Variants in COL8A1 observed in about 807,000 individuals in gnomAD.
The protein encoded by COL8A1 is collagen alpha-1(VIII) chain.
A neutral mutation model predicts 42.7 loss-of-function variants in COL8A1; 21 were observed. The observed-to-expected ratio is 0.49, with a 90% confidence interval of 0.35 to 0.71. The LOEUF is 0.71. COL8A1 is among the 30% of genes least tolerant of loss of function. The probability of loss-of-function intolerance (pLI) is 0.01; values close to 1 mark genes in which losing one functional copy is unlikely to be tolerated. For missense variants in COL8A1, 788 were observed against 962.4 expected, an observed-to-expected ratio of 0.82 and a Z score of 2.40; for synonymous variants, 367 against 369.1, an observed-to-expected ratio of 0.99 and a Z score of 0.06.
chr3:99,732,079 A>T (rs918961802), intron 1 of COL8A1, among the ~76,000 whole-genome samples: 10 of 152,130 alleles, frequency 6.6e-5, no homozygotes, highest in African/African-American at 2.4e-4. Context: ...TTGATTTCGG[A>T]CTTCCAGACT....
intron 1 of COL8A1, among the ~76,000 whole-genome samples, chr3:99,710,006 T>A (rs185560638): frequency 6.6e-5 from 10 of 152,296 alleles, no homozygotes; most frequent in Admixed American, 3.3e-4. Flanking sequence ...TACTTGCTAT[T>A]TAAATAGCCA....
At chr3:99,717,160 T>C (rs1250864517) in intron 1 of COL8A1, among the ~76,000 whole-genome samples, 1 of 152,072 alleles carries the variant, frequency 6.6e-6, no homozygotes, top group Non-Finnish European at 1.5e-5. Context: ...TGTTTTGTGC[T>C]ATATATAGAA....
At chr3:99,737,178 C>G (rs1396512451) in intron 1 of COL8A1, among the ~76,000 whole-genome samples, 1 of 152,166 alleles carries the variant, frequency 6.6e-6, no homozygotes, top group Non-Finnish European at 1.5e-5. Context: ...CGACTTGACT[C>G]TTTATCCAGT....
In COL8A1 at chr3:99,796,123, T is replaced by C. The variant is rs1022143157; in HGVS notation, c.2222T>C (p.Leu741Ser). ...CACTCCTCCTTTTCAGGATATTTAT[T>C]GTATCCCATGTAAAAACAAAAAAAC... The part of the protein sequence containing the change: ...YVHSSFSGYL[L>S]YPM The change falls in exon 4 of 4, where the codon TTG (leucine) becomes TCG (serine). Residue 741 changes from leucine (L) to serine (S), a missense_variant. By Grantham distance (145) the Leu-to-Ser change is moderately radical. Around this residue, in one of 4 missense-constraint regions of COL8A1, gnomAD observed 212 missense variants for 210.9 expected, o/e 1.00. Transcript: ENST00000652472. 1.6e-5 allele frequency: 24 copies of C among 1,480,946 alleles called. No homozygotes were observed. The highest frequency in any genetic ancestry group is 2.1e-5 in the Non-Finnish European group (23 of 1,111,884). 91.7% of individuals were successfully genotyped at this position (1,480,946 alleles called of 1,614,324 possible). A position where few individuals can be genotyped will look rare whatever the true frequency, so the allele number is the denominator to read the frequency against.
In COL8A1 at chr3:99,745,012, A is replaced by G. The variant is rs1339882618; in HGVS notation, c.-13A>G. 6.6e-6 allele frequency: 1 copy of G among 152,182 alleles called. No individual in the cohort carries two copies. The highest frequency in any genetic ancestry group is 1.5e-5 in the Non-Finnish European group (1 of 68,078). 9.4% of individuals were successfully genotyped at this position (152,182 alleles called of 1,614,324 possible). A position where few individuals can be genotyped will look rare whatever the true frequency, so the allele number is the denominator to read the frequency against. ...TTTGATTTGATTCAGCAGTCCTGTC[A>G]AGTATAAATGTAAGTGTGAGGAGCA... is the stretch of plus-strand genomic sequence containing the variant. On this transcript the variant is annotated 5_prime_UTR_variant, in exon 2 of 4. Transcript: ENST00000652472.
intron 1 of COL8A1, among the ~76,000 whole-genome samples, chr3:99,696,953 A>T (rs931655225): frequency 8.7e-5 from 13 of 148,948 alleles, no homozygotes; most frequent in Non-Finnish European, 1.9e-4. Context: ...ATTTGCTATA[A>T]TCCCCACCGG....
At chr3:99,766,196 C>T (rs1471516494) in intron 2 of COL8A1, among the ~76,000 whole-genome samples, 2 of 152,162 alleles carry the variant, frequency 1.3e-5, no homozygotes, top group African/African-American at 2.4e-5. Context: ...TTACCAAATA[C>T]GATCCCCATA....
intron 1 of COL8A1, among the ~76,000 whole-genome samples, chr3:99,726,102 C>T (rs1940316210): frequency 6.6e-6 from 1 of 152,084 alleles, no homozygotes; most frequent in Non-Finnish European, 1.5e-5. Context: ...TTAATGATTG[C>T]CATTCTAACT....
At chr3:99,655,920 C>A (rs1938004163) in intron 1 of COL8A1, among the ~76,000 whole-genome samples, 1 of 151,926 alleles carries the variant, frequency 6.6e-6, no homozygotes, top group African/African-American at 2.4e-5. Context: ...AGTATGGAGG[C>A]CTAACAAGAA....
chr3:99,727,801 A>C (rs909196473), intron 1 of COL8A1, among the ~76,000 whole-genome samples: 6 of 151,798 alleles, frequency 4.0e-5, no homozygotes, highest in African/African-American at 1.5e-4. Context: ...CCATGATCAA[A>C]TGGGCTTCAT....
At chr3:99,728,814 C>G (rs1400764633) in intron 1 of COL8A1, among the ~76,000 whole-genome samples, 5 of 151,928 alleles carry the variant, frequency 3.3e-5, no homozygotes, top group Non-Finnish European at 5.9e-5. Flanking sequence ...ACTTACTTCA[C>G]TCTTTTTGGT....
chr3:99,686,878 G>A lies in COL8A1; in HGVS notation c.-129+48214G>A, dbSNP rs1361007558. On this transcript the variant is annotated intron_variant, in intron 1 of 3. Coordinates refer to ENST00000652472, the MANE Select transcript of COL8A1 (RefSeq NM_020351.4). Reference sequence around the variant, plus strand: ...TTTGTTTTTGGGGGGGGTTCTGTTTGTTTGTTTTTGAGACAGAGTCTCACT... The same window carrying A: ...TTTGTTTTTGGGGGGGGTTCTGTTTATTTGTTTTTGAGACAGAGTCTCACT... 2.0e-5 allele frequency among the ~76,000 whole-genome samples: 3 copies of A among 152,134 alleles called. No homozygotes were observed. In the East Asian group the frequency reaches 5.8e-4, roughly 29 times the overall value.
chr3:99,785,076 C>CT (rs1394021430), intron 2 of COL8A1, among the ~76,000 whole-genome samples: 1 of 152,186 alleles, frequency 6.6e-6, no homozygotes, highest in African/African-American at 2.4e-5. Flanking sequence ...TAATAGTAAA[C>CT]TGCATGTGCA....
At chr3:99,721,836 G>C (rs976398676) in intron 1 of COL8A1, among the ~76,000 whole-genome samples, 2 of 151,998 alleles carry the variant, frequency 1.3e-5, no homozygotes, top group Middle Eastern at 3.5e-3. Flanking sequence ...GGACGGAAGA[G>C]TCTATCTGCC....
intron 1 of COL8A1, among the ~76,000 whole-genome samples, chr3:99,686,228 T>G (rs1475693702): frequency 1.3e-5 from 2 of 152,234 alleles, no homozygotes; most frequent in Non-Finnish European, 2.9e-5. Context: ...ACCAAAGACC[T>G]GCAGACATCT....
At chr3:99,793,460 GAT>G (rs1283617939) in intron 3 of COL8A1, among the ~76,000 whole-genome samples, 8 of 148,868 alleles carry the variant, frequency 5.4e-5, no homozygotes, top group Admixed American at 2.0e-4. Flanking sequence ...CACACACACA[GAT>G]AGAACAAATG....
chr3:99,711,977 C>T (rs1317356600), intron 1 of COL8A1, among the ~76,000 whole-genome samples: 1 of 152,048 alleles, frequency 6.6e-6, no homozygotes, highest in Non-Finnish European at 1.5e-5. Flanking sequence ...ACTTTCTTTC[C>T]ACTAATAAAA....
At chr3:99,738,699 G>A (rs1301385148) in intron 1 of COL8A1, among the ~76,000 whole-genome samples, 1 of 152,072 alleles carries the variant, frequency 6.6e-6, no homozygotes, top group Non-Finnish European at 1.5e-5. Flanking sequence ...CCTGCCCCCA[G>A]AGGTGGAGCC....
Position 99,795,566 on chromosome 3 carries a change from G to A in COL8A1, c.1665G>A (p.Gln555=), listed in dbSNP as rs775780125. 3.1e-6 allele frequency: 5 copies of A among 1,610,060 alleles called. No individual in the cohort carries two copies. Among genetic ancestry groups the A allele is most frequent in the Non-Finnish European group, 3.4e-6 (4 of 1,177,962 alleles). ...GKPGALGPQG[Q]PGLPGPPGPP... is the part of the protein sequence containing the mutation. ...CTGGTGCCCTTGGTCCTCAAGGCCAGCCTGGCCTTCCAGGACCCCCAGGCC... is the reference window on the plus strand; with the variant it reads ...CTGGTGCCCTTGGTCCTCAAGGCCAACCTGGCCTTCCAGGACCCCCAGGCC... The change falls in exon 4 of 4, where the codon CAG becomes CAA. Residue 555 remains glutamine (Q), a synonymous_variant. Coordinates refer to ENST00000652472, the MANE Select transcript of COL8A1 (RefSeq NM_020351.4).
Sources: gnomAD v4.1 joint callset for allele counts (sites outside exome capture counted in the v4.1 genomes callset) on GRCh38, gnomAD v4.1.1 for gene constraint, gnomAD v4.1.1 regional missense constraint, MANE v1.5 for transcripts, NCBI Gene and HGNC (gene_info 2026-07-23, HGNC 2026-07-21) for gene names.